KIAA1328: variants seen among roughly 807,000 people sequenced by gnomAD.
KIAA1328 encodes the protein protein hinderin.
A neutral mutation model predicts 68.1 loss-of-function variants in KIAA1328; 52 were observed. That is an observed-to-expected ratio of 0.76 (90% CI 0.61 to 0.96). The LOEUF is 0.96. Among genes scored for constraint, KIAA1328 ranks in the 40% least tolerant of loss-of-function variants. The pLI, the probability that KIAA1328 is intolerant of heterozygous loss-of-function variation, is 0.00. For synonymous variants in KIAA1328, 232 were observed against 239.4 expected, an observed-to-expected ratio of 0.97 and a Z score of 0.28; for missense variants, 641 against 677.6, an observed-to-expected ratio of 0.95 and a Z score of 0.60.
intron 5 of KIAA1328, among the ~76,000 whole-genome samples, chr18:36,899,065 A>G (rs1026138042): frequency 6.6e-6 from 1 of 151,934 alleles, no homozygotes; most frequent in Non-Finnish European, 1.5e-5. Flanking sequence ...CTTGTTCTGT[A>G]TCTCAGGAAG....
intron 9 of KIAA1328, among the ~76,000 whole-genome samples, chr18:37,218,437 G>A (rs926321941): frequency 2.6e-5 from 4 of 152,186 alleles, no homozygotes; most frequent in African/African-American, 7.2e-5. Flanking sequence ...GAGTTTGTCC[G>A]GCTTTCCCAG....
At chr18:36,953,086 G>A (rs989701313) in intron 5 of KIAA1328, among the ~76,000 whole-genome samples, 6 of 151,496 alleles carry the variant, frequency 4.0e-5, no homozygotes, top group South Asian at 2.1e-4. Flanking sequence ...TTGAAACACT[G>A]TGTACCTTCT....
chr18:36,933,540 A>G (rs1293253556), intron 5 of KIAA1328, among the ~76,000 whole-genome samples: 1 of 152,154 alleles, frequency 6.6e-6, no homozygotes, highest in African/African-American at 2.4e-5. Flanking sequence ...TTCACCCTTC[A>G]CAGTGTTTTG....
At chr18:36,876,803 G>A (rs996053970) in intron 4 of KIAA1328, among the ~76,000 whole-genome samples, 6 of 152,084 alleles carry the variant, frequency 3.9e-5, no homozygotes, top group African/African-American at 1.4e-4. Flanking sequence ...ACTTTCTCAT[G>A]TAGGCATTTT....
chr18:36,880,265 C>T (rs2048285516), intron 4 of KIAA1328, among the ~76,000 whole-genome samples: 1 of 152,156 alleles, frequency 6.6e-6, no homozygotes, highest in Non-Finnish European at 1.5e-5. Context: ...CTCAGGGCTT[C>T]CCTTTGCTAG....
intron 6 of KIAA1328, among the ~76,000 whole-genome samples, chr18:37,009,065 C>T (rs1643442417): frequency 6.6e-6 from 1 of 152,144 alleles, no homozygotes; most frequent in South Asian, 2.1e-4. Context: ...CTTCATAAGA[C>T]ACAAATGAGG....
intron 7 of KIAA1328, among the ~76,000 whole-genome samples, chr18:37,151,800 G>A (rs950994328): frequency 3.3e-5 from 5 of 152,134 alleles, no homozygotes; most frequent in South Asian, 2.1e-4. Flanking sequence ...ATTAAAGTGC[G>A]AGTGGTATGA....
intron 6 of KIAA1328, among the ~76,000 whole-genome samples, chr18:36,999,495 A>G (rs1443714894): frequency 2.0e-5 from 3 of 152,346 alleles, no homozygotes; most frequent in Non-Finnish European, 2.9e-5. Flanking sequence ...AATAAAAAAT[A>G]GAGCAAATCC....
chr18:37,203,863 G>A (rs997290108), intron 9 of KIAA1328, among the ~76,000 whole-genome samples: 9 of 151,140 alleles, frequency 6.0e-5, no homozygotes, highest in African/African-American at 2.2e-4. Context: ...AGGCTGGAGT[G>A]CAGTGGCGCC....
At chr18:37,190,548 T>C (rs933980363) in intron 9 of KIAA1328, among the ~76,000 whole-genome samples, 1 of 152,174 alleles carries the variant, frequency 6.6e-6, no homozygotes, top group Non-Finnish European at 1.5e-5. Flanking sequence ...ACTTTGTCAG[T>C]TTCCAGAAGC....
At chr18:36,869,610 T>C (rs1362407308) in intron 4 of KIAA1328, among the ~76,000 whole-genome samples, 1 of 151,894 alleles carries the variant, frequency 6.6e-6, no homozygotes, top group African/African-American at 2.4e-5. Context: ...TCTCAGGCAG[T>C]TTTCATGTTC....
At chr18:37,063,599 A>G (rs1467081576) in intron 6 of KIAA1328, 1 of 982,910 alleles carries the variant, frequency 1.0e-6, no homozygotes, top group Non-Finnish European at 1.2e-6. Context: ...GCATCTTAGA[A>G]TTCTGCCTAT....
chr18:37,225,305 A>G lies in KIAA1328; in HGVS notation c.*3078A>G, dbSNP rs1373581476. ...TTATGTACGTATGAGATTTCAAGTT[A>G]ATAAATCATCTCTATGGCTATTTTC... On this transcript the variant is annotated 3_prime_UTR_variant, in exon 10 of 10. Transcript: ENST00000280020. 1.0e-6 allele frequency: 1 copy of G among 985,250 alleles called. No individual in the cohort carries two copies. Among genetic ancestry groups the G allele is most frequent in the Non-Finnish European group, 1.2e-6 (1 of 829,872 alleles). The allele number at this position is 985,250 out of a possible 1,614,324, so 61.0% of individuals were successfully genotyped here.
intron 7 of KIAA1328, among the ~76,000 whole-genome samples, chr18:37,111,510 A>G (rs1333333137): frequency 6.6e-6 from 1 of 152,238 alleles, no homozygotes; most frequent in African/African-American, 2.4e-5. Flanking sequence ...CATCATCTTA[A>G]GCCATACTTA....
At chr18:36,925,686 T>C (rs1202573275) in intron 5 of KIAA1328, among the ~76,000 whole-genome samples, 1 of 151,972 alleles carries the variant, frequency 6.6e-6, no homozygotes, top group Non-Finnish European at 1.5e-5. Context: ...TACAGGTGCA[T>C]GCCACCATGC....
intron 6 of KIAA1328, among the ~76,000 whole-genome samples, chr18:37,005,267 A>G (rs1309633327): frequency 1.3e-5 from 2 of 152,056 alleles, no homozygotes; most frequent in Non-Finnish European, 2.9e-5. Context: ...TATGAAATTC[A>G]AAAAACAGAG....
chr18:36,977,594 G>A (rs7241101), intron 6 of KIAA1328, among the ~76,000 whole-genome samples: 110,776 of 151,314 alleles, frequency 0.73, 43,651 homozygotes, highest in South Asian at 0.89. Flanking sequence ...CATAGAGAAG[G>A]ACACCCAACT....
intron 9 of KIAA1328, among the ~76,000 whole-genome samples, chr18:37,220,791 A>G (rs982746466): frequency 1.3e-5 from 2 of 152,058 alleles, no homozygotes; most frequent in African/African-American, 4.8e-5. Flanking sequence ...TTAGGGCCCT[A>G]TGTGGTACTC....
At chr18:36,864,130 G>C (rs2047660819) in intron 4 of KIAA1328, among the ~76,000 whole-genome samples, 1 of 152,054 alleles carries the variant, frequency 6.6e-6, no homozygotes, top group African/African-American at 2.4e-5. Context: ...ATTATTCCTA[G>C]TTTTATAAGA....
Sources: allele counts gnomAD v4.1 joint callset (sites outside exome capture counted in the v4.1 genomes callset), GRCh38; gene constraint gnomAD v4.1.1; transcripts MANE v1.5; gene names NCBI Gene and HGNC (gene_info 2026-07-23, HGNC 2026-07-21).